Variants in MYRIP observed in about 807,000 individuals in gnomAD.
The protein encoded by MYRIP is myosin VIIA and Rab interacting protein, also known as rab effector MyRIP.
A neutral mutation model predicts 98.0 loss-of-function variants in MYRIP; 49 were observed. The observed-to-expected ratio is 0.50, with a 90% confidence interval of 0.40 to 0.63. MYRIP has a LOEUF of 0.63. MYRIP is among the 30% of genes least tolerant of loss of function. The pLI is 0.00. For synonymous variants in MYRIP, 404 were observed against 409.5 expected (o/e 0.99, Z 0.16); for missense variants, 1,004 against 1,058.2 (o/e 0.95, Z 0.71).
chr3:39,956,191 G>A (rs138058280), intron 2 of MYRIP, among the ~76,000 whole-genome samples: 4,405 of 152,124 alleles, frequency 0.029, 206 homozygotes, highest in African/African-American at 0.1. Flanking sequence ...ATAGACATCT[G>A]CGGAACTCTC....
chr3:40,071,044 C>A, intron 3 of MYRIP: 1 of 738,848 alleles, frequency 1.4e-6, no homozygotes, highest in Non-Finnish European at 1.7e-6. Context: ...TCAGGCAAAG[C>A]CAAAGCAAGA....
chr3:39,981,751 A>T (rs529404862), intron 2 of MYRIP, among the ~76,000 whole-genome samples: 2 of 152,354 alleles, frequency 1.3e-5, no homozygotes, highest in East Asian at 3.9e-4. Flanking sequence ...TTGCAGGAAC[A>T]TATGTTACGT....
At chr3:39,880,050 A>T (rs558897450) in intron 1 of MYRIP, among the ~76,000 whole-genome samples, 1 of 151,670 alleles carries the variant, frequency 6.6e-6, no homozygotes, top group African/African-American at 2.4e-5. Context: ...TATTATTATT[A>T]TTTTTTTAAT....
chr3:39,816,998 T>C (rs1940940103), intron 1 of MYRIP, among the ~76,000 whole-genome samples: 2 of 152,222 alleles, frequency 1.3e-5, no homozygotes, highest in South Asian at 4.1e-4. Context: ...CATTGTGATG[T>C]CTTAAGATAG....
At chr3:40,060,201 C>T (rs1947978442) in intron 3 of MYRIP, among the ~76,000 whole-genome samples, 1 of 152,158 alleles carries the variant, frequency 6.6e-6, no homozygotes, top group South Asian at 2.1e-4. Context: ...GGGGTGACCC[C>T]TGCTTTGGGA....
chr3:40,100,027 A>C, intron 3 of MYRIP: 1 of 985,262 alleles, frequency 1.0e-6, no homozygotes, highest in African/African-American at 1.7e-5. Flanking sequence ...GAGCAGTAGC[A>C]CTGTGCTGTT....
intron 3 of MYRIP, among the ~76,000 whole-genome samples, chr3:40,076,834 G>A (rs773621058): frequency 6.6e-6 from 1 of 152,082 alleles, no homozygotes; most frequent in Non-Finnish European, 1.5e-5. Context: ...ACCCTCCCAC[G>A]CAAAAAATTA....
intron 1 of MYRIP, among the ~76,000 whole-genome samples, chr3:39,812,607 GA>G (rs1252320100): frequency 1.3e-5 from 2 of 152,060 alleles, no homozygotes; most frequent in East Asian, 1.9e-4. Flanking sequence ...TATGAATGAA[GA>G]AAAAATGAAT....
At position 39,828,427 on chromosome 3, in the gene MYRIP, T is replaced by C. The variant is rs185091664; in HGVS notation, c.-31+18511T>C. 1.3e-5 allele frequency among the ~76,000 whole-genome samples: 2 copies of C among 152,010 alleles called. 1 individual carries two copies. The highest frequency in any genetic ancestry group is 1.3e-4 in the Admixed American group (2 of 15,260). ...TTGTATTGTCTTGTATATTACTGAGTTTTCTTAAGATTATGATTTTGAATT... is the reference window on the plus strand; with the variant it reads ...TTGTATTGTCTTGTATATTACTGAGCTTTCTTAAGATTATGATTTTGAATT... On this transcript the variant is annotated intron_variant, in intron 1 of 16. Transcript: ENST00000302541.
chr3:40,092,033 G>A (rs1440397821), intron 3 of MYRIP, among the ~76,000 whole-genome samples: 1 of 152,176 alleles, frequency 6.6e-6, no homozygotes, highest in Non-Finnish European at 1.5e-5. Flanking sequence ...CAGAAGCTCT[G>A]TAAGCCTTGA....
At chr3:40,015,610 G>A (rs1946846712) in intron 2 of MYRIP, among the ~76,000 whole-genome samples, 1 of 152,210 alleles carries the variant, frequency 6.6e-6, no homozygotes, top group South Asian at 2.1e-4. Context: ...GGTGCCACAG[G>A]CTGGCCCAGT....
chr3:40,011,424 C>T (rs745317741), intron 2 of MYRIP, among the ~76,000 whole-genome samples: 5 of 152,114 alleles, frequency 3.3e-5, no homozygotes, highest in South Asian at 2.1e-4. Context: ...ATGGTTTGGG[C>T]GTTTCTTCTG....
chr3:40,252,516 G>A (rs1331031832), intron 16 of MYRIP, among the ~76,000 whole-genome samples: 3 of 152,180 alleles, frequency 2.0e-5, no homozygotes, highest in African/African-American at 4.8e-5. Context: ...ACATAGCACC[G>A]TAAGGGAAAG....
intron 3 of MYRIP, among the ~76,000 whole-genome samples, chr3:40,050,341 G>T (rs941638309): frequency 6.6e-6 from 1 of 152,058 alleles, no homozygotes; most frequent in African/African-American, 2.4e-5. Flanking sequence ...CCCTTAAAAG[G>T]TATGCTAAAT....
intron 1 of MYRIP, among the ~76,000 whole-genome samples, chr3:39,874,250 TG>T (rs1410067344): frequency 2.0e-5 from 3 of 152,142 alleles, no homozygotes; most frequent in Admixed American, 6.5e-5. Flanking sequence ...GCTGAGACAA[TG>T]GGGTTTTCTA....
At chr3:40,055,723 T>A (rs896624339) in intron 3 of MYRIP, among the ~76,000 whole-genome samples, 6 of 152,158 alleles carry the variant, frequency 3.9e-5, no homozygotes, top group Admixed American at 6.6e-5. Flanking sequence ...TATGTTTTGG[T>A]TGAGGAGTTA....
chr3:40,075,056 T>C (rs1948315636), intron 3 of MYRIP, among the ~76,000 whole-genome samples: 1 of 152,128 alleles, frequency 6.6e-6, no homozygotes, highest in Admixed American at 6.5e-5. Context: ...ATTTTATAAC[T>C]GAAGTAATAC....
chr3:40,066,285 T>C (rs1234577174), intron 3 of MYRIP, among the ~76,000 whole-genome samples: 1 of 152,224 alleles, frequency 6.6e-6, no homozygotes, highest in South Asian at 2.1e-4. Context: ...AGTTCTGATA[T>C]GCACAGACTG....
At chr3:40,027,038 C>T (rs1947147252) in intron 2 of MYRIP, among the ~76,000 whole-genome samples, 1 of 152,162 alleles carries the variant, frequency 6.6e-6, no homozygotes. Flanking sequence ...GCTGGCCCAG[C>T]CCTTCCTCTG....
Sources: gnomAD v4.1 joint callset for allele counts (sites outside exome capture counted in the v4.1 genomes callset) on GRCh38, gnomAD v4.1.1 for gene constraint, MANE v1.5 for transcripts, NCBI Gene and HGNC (gene_info 2026-07-23, HGNC 2026-07-21) for gene names.